Variants in MIIP observed in about 807,000 individuals in gnomAD.
The protein encoded by MIIP is migration and invasion-inhibitory protein.
Under a neutral mutation model 44.8 loss-of-function variants are expected in MIIP, and 44 were observed. That is an observed-to-expected ratio of 0.98 (90% CI 0.77 to 1.26). MIIP has a LOEUF of 1.26. MIIP is among the 50% of genes most tolerant of loss of function. The probability of loss-of-function intolerance (pLI) is 0.00; values close to 1 mark genes in which losing one functional copy is unlikely to be tolerated. For missense variants in MIIP, 496 were observed against 511.7 expected, an observed-to-expected ratio of 0.97 and a Z score of 0.30; for synonymous variants, 225 against 218.3, an observed-to-expected ratio of 1.03 and a Z score of -0.27.
rs755903918 is a variant in MIIP at position 12,021,815 on chromosome 1, G to A, written c.89G>A (p.Arg30Gln). 5.0e-6 allele frequency: 8 copies of A among 1,611,108 alleles called. No homozygotes were observed. The highest frequency in any genetic ancestry group is 1.7e-4 in the Middle Eastern group (1 of 5,828). Residue 30 changes from arginine (R) to glutamine (Q), a missense_variant, in exon 2 of 10, where the codon CGG becomes CAG. Arg to Gln is a conservative substitution (Grantham distance 43, BLOSUM62 1). Transcript: ENST00000235332. ...TGGGTGGGGCAGGATGCTGTGCGGC[G>A]GTCAGTGGCCAGGGCAGCCTCGGAG... ...QLWVGQDAVRRSVARAASESS... is the reference protein window; with the variant it reads ...QLWVGQDAVRQSVARAASESS...
At chr1:12,024,510 T>G (rs1348364592) in intron 4 of MIIP, among the ~76,000 whole-genome samples, 1 of 152,068 alleles carries the variant, frequency 6.6e-6, no homozygotes, top group Non-Finnish European at 1.5e-5. Flanking sequence ...GCCTCCTGGG[T>G]TCAAGCGATT....
intron 8 of MIIP, among the ~76,000 whole-genome samples, chr1:12,030,355 C>T (rs1442972029): frequency 2.0e-5 from 3 of 152,086 alleles, no homozygotes; most frequent in Admixed American, 2.0e-4. Flanking sequence ...GCTGGCATGA[C>T]ATGAATGGGT....
At chr1:12,029,918 A>G in intron 7 of MIIP, 24 bp downstream of exon 7, 1 of 1,610,590 alleles carries the variant, frequency 6.2e-7, no homozygotes, top group Non-Finnish European at 8.5e-7. Context: ...GTATTGGGAC[A>G]CCTTGGGGGA....
At position 12,031,737 on chromosome 1, in the gene MIIP, A is replaced by C. The variant is rs201431209; in HGVS notation, c.1096A>C (p.Met366Leu). ...SPFHPASPMQ[M>L]LPPTPTWSVP... Reference sequence around the variant, plus strand: ...CCCCATCCAGGCCTCACCAATGCAGATGCTGCCCCCGACCCCGACCTGGTC... The same window carrying C: ...CCCCATCCAGGCCTCACCAATGCAGCTGCTGCCCCCGACCCCGACCTGGTC... The change falls in exon 10 of 10, where the codon ATG (methionine) becomes CTG (leucine). Residue 366 changes from methionine (M) to leucine (L), a missense_variant. Met to Leu is a conservative substitution (Grantham distance 15). Transcript: ENST00000235332. 6.2e-7 allele frequency: 1 copy of C among 1,613,916 alleles called. No homozygotes were observed. Among genetic ancestry groups the C allele is most frequent in the African/African-American group, 1.3e-5 (1 of 74,950 alleles).
intron 4 of MIIP, among the ~76,000 whole-genome samples, chr1:12,025,725 T>C (rs1640092618): frequency 6.6e-6 from 1 of 152,158 alleles, no homozygotes; most frequent in Admixed American, 6.5e-5. Context: ...TTTATTTTTA[T>C]TTGTTTTCTC....
At position 12,031,963 on chromosome 1, in the gene MIIP, G is replaced by C. The variant is rs1022334624; in HGVS notation, c.*155G>C. On this transcript the variant is annotated 3_prime_UTR_variant, in exon 10 of 10. Coordinates refer to ENST00000235332, the MANE Select transcript of MIIP (RefSeq NM_021933.4). ...GGACCCAAGCTTGTCTGCTGCCTGA[G>C]TTCCAGAGAGGGAGGACCCTGGGGT... The C allele has an allele frequency of 7.2e-6, 5 of 694,644 alleles. No homozygotes were observed. The highest frequency in any genetic ancestry group is 9.7e-6 in the Non-Finnish European group (4 of 412,958). The allele number at this position is 694,644 out of a possible 1,614,324, so 43.0% of individuals were successfully genotyped here.
At chr1:12,023,052 G>A (rs1640018023) in intron 4 of MIIP, 135 bp downstream of exon 4, 1 of 531,590 alleles carries the variant, frequency 1.9e-6, no homozygotes, top group South Asian at 2.6e-5. Context: ...TCCGTGGGGA[G>A]CACCCTCTTT....
intron 4 of MIIP, among the ~76,000 whole-genome samples, chr1:12,028,360 T>G (rs1159015124): frequency 6.6e-6 from 1 of 152,156 alleles, no homozygotes; most frequent in East Asian, 1.9e-4. Flanking sequence ...CTGATGTGGT[T>G]GTGTCCCTCC....
At chr1:12,024,649 G>A (rs560188273) in intron 4 of MIIP, among the ~76,000 whole-genome samples, 35 of 152,232 alleles carry the variant, frequency 2.3e-4, no homozygotes, top group Non-Finnish European at 2.8e-4. Context: ...GACCTCAGGC[G>A]ATCCGCCCGC....
At chr1:12,024,648 C>T (rs1428250897) in intron 4 of MIIP, among the ~76,000 whole-genome samples, 1 of 152,056 alleles carries the variant, frequency 6.6e-6, no homozygotes, top group Admixed American at 6.5e-5. Context: ...TGACCTCAGG[C>T]GATCCGCCCG....
At chr1:12,025,353 C>T (rs1294577811) in intron 4 of MIIP, among the ~76,000 whole-genome samples, 1 of 152,046 alleles carries the variant, frequency 6.6e-6, no homozygotes, top group Non-Finnish European at 1.5e-5. Flanking sequence ...AGCCGCTGTG[C>T]CTGGCTGGAA....
At chr1:12,021,619 C>T in intron 1 of MIIP, 26 bp from the exon 2 acceptor site, 1 of 927,782 alleles carries the variant, frequency 1.1e-6, no homozygotes, top group Non-Finnish European at 1.7e-6. Flanking sequence ...CCTACTGAGC[C>T]CCGTGTCCTG....
Position 12,022,889 on chromosome 1 carries a change from G to A in MIIP, c.519G>A (p.Arg173=), listed in dbSNP as rs1640013645. Residue 173 remains arginine (R), a synonymous_variant, in exon 4 of 10, where the codon AGG becomes AGA. Transcript: ENST00000235332. ...TTCCTAAGAGGAGCTGGCGCCTCAG[G>A]CCATACCTGGGCTATGACTGGATTG... is the stretch of plus-strand genomic sequence containing the variant. ...SAVPKRSWRL[R]PYLGYDWIAG... is the part of the protein sequence containing the mutation. The A allele has an allele frequency of 1.2e-6, 2 of 1,610,234 alleles. No homozygotes were observed. The highest frequency in any genetic ancestry group is 1.3e-5 in the African/African-American group (1 of 74,766).
In MIIP at chr1:12,022,209, C is replaced by T. The variant is rs374821486; in HGVS notation, c.229C>T (p.Pro77Ser). ...GGGCCGGTCCTCCGTGTGGGGCCCA[C>T]CAGATGCCTGTCGAGGGGACCTCCG... ...PRGRSSVWGP[P>S]DACRGDLRDV... is the part of the protein sequence containing the mutation. The change falls in exon 3 of 10, where the codon CCA (proline) becomes TCA (serine). Residue 77 changes from proline to serine, a missense_variant. Physicochemically the swap from Pro to Ser is moderately conservative, Grantham distance 74. Coordinates refer to ENST00000235332, the MANE Select transcript of MIIP (RefSeq NM_021933.4). The T allele has an allele frequency of 3.8e-5, 62 of 1,613,076 alleles. No individual in the cohort carries two copies. The Admixed American group carries it at 4.7e-4, about 12-fold the overall frequency.
At chr1:12,029,936 T>G in intron 7 of MIIP, 42 bp downstream of exon 7, 1 of 1,610,058 alleles carries the variant, frequency 6.2e-7, no homozygotes, top group Non-Finnish European at 8.5e-7. Context: ...GGACAGAGCC[T>G]GAACCACTGG....
chr1:12,022,141 C>T lies in MIIP; in HGVS notation c.161C>T (p.Thr54Ile). Residue 54 changes from threonine to isoleucine, a missense_variant, in exon 3 of 10, where the codon ACC (threonine) becomes ATC (isoleucine). Thr to Ile is a moderately conservative substitution (Grantham distance 89). Transcript: ENST00000235332. ...SSSYNSETPS[T>I]PETSSTSLST... ...AGCTACAACTCAGAGACTCCATCGA[C>T]CCCAGAGACGTCCTCAACTTCCTTG... 1 of 1,614,060 alleles carries T rather than the reference C, an allele frequency of 6.2e-7. No individual in the cohort carries two copies. Among genetic ancestry groups the T allele is most frequent in the African/African-American group, 1.3e-5 (1 of 75,054 alleles).
At position 12,029,233 on chromosome 1, in the gene MIIP, C is replaced by G. The variant is rs1445822316; in HGVS notation, c.667C>G (p.Pro223Ala). ...CCCTCGCCCTCTCAGACCCCAGTTGCCAGGCCTGCGTGAGAGCAGTGGCAG... is the reference window on the plus strand; with the variant it reads ...CCCTCGCCCTCTCAGACCCCAGTTGGCAGGCCTGCGTGAGAGCAGTGGCAG... ...CICSHPEPQL[P>A]GLRESSGSGV... The change falls in exon 6 of 10, where the codon CCA becomes GCA. Residue 223 changes from proline to alanine, a missense_variant. Coordinates refer to ENST00000235332, the MANE Select transcript of MIIP (RefSeq NM_021933.4). The G allele has an allele frequency of 6.2e-7, 1 of 1,613,576 alleles. No individual in the cohort carries two copies. The highest frequency in any genetic ancestry group is 1.3e-5 in the African/African-American group (1 of 74,944).
intron 4 of MIIP, among the ~76,000 whole-genome samples, chr1:12,025,529 AG>A (rs370104693): frequency 1.4e-3 from 214 of 152,306 alleles, no homozygotes; most frequent in African/African-American, 4.8e-3. Flanking sequence ...CATAGCAGCC[AG>A]AGGGAATTTT....
chr1:12,021,702 T>A lies in MIIP; in HGVS notation c.-25T>A. 1 of 1,606,290 alleles carries A rather than the reference T, an allele frequency of 6.2e-7. No individual in the cohort carries two copies. ...GGACATCCTGCGGCCCAGGGGCAAG[T>A]GACACCTGCTGAGAGAGGCCCAGGA... is the stretch of plus-strand genomic sequence containing the variant. On this transcript the variant is annotated 5_prime_UTR_variant, in exon 2 of 10. Transcript: ENST00000235332.
Sources: gnomAD v4.1 joint callset for allele counts (sites outside exome capture counted in the v4.1 genomes callset) on GRCh38, gnomAD v4.1.1 for gene constraint, MANE v1.5 for transcripts, NCBI Gene and HGNC (gene_info 2026-07-23, HGNC 2026-07-21) for gene names.